Variants in GAB2 observed in about 807,000 individuals in gnomAD.
The protein encoded by GAB2 is GRB2 associated binding protein 2.
A neutral mutation model predicts 65.5 loss-of-function variants in GAB2; 26 were observed. The ratio of observed to expected loss-of-function variants is 0.40; its 90% CI spans 0.29 to 0.55. GAB2 has a LOEUF of 0.55. Among genes scored for constraint, GAB2 ranks in the 20% least tolerant of loss-of-function variants. The pLI is 0.53. For missense variants in GAB2, 884 were observed against 875.8 expected (o/e 1.01, Z -0.12); for synonymous variants, 321 against 329.6 (o/e 0.97, Z 0.28).
intron 1 of GAB2, among the ~76,000 whole-genome samples, chr11:78,416,390 C>G (rs541804377): frequency 7.9e-5 from 12 of 152,338 alleles, no homozygotes; most frequent in African/African-American, 2.9e-4. Context: ...TTCCTCAGTC[C>G]AGAGGCCAGA....
rs1291599642 is a variant in GAB2, at chr11:78,226,925, A to G, written c.747T>C (p.Tyr249=). 4.3e-6 allele frequency: 7 copies of G among 1,613,860 alleles called. No individual in the cohort carries two copies. The highest frequency in any genetic ancestry group is 5.9e-6 in the Non-Finnish European group (7 of 1,179,898). ...TGTGCCGGCTCGGCTTGGGAAGGCT[A>G]TAGAAGCCATGGACTTGACCACTGA... The part of the protein sequence containing the change: ...NGISGQVHGF[Y]SLPKPSRHNT... Residue 249 remains tyrosine, a synonymous_variant, in exon 4 of 10, where the codon TAT becomes TAC. Coordinates refer to ENST00000361507, the MANE Select transcript of GAB2 (RefSeq NM_080491.3).
intron 2 of GAB2, among the ~76,000 whole-genome samples, chr11:78,261,899 T>G (rs542262994): frequency 6.6e-6 from 1 of 152,318 alleles, no homozygotes; most frequent in Non-Finnish European, 1.5e-5. Context: ...TAATGATGCA[T>G]TTGACCCTTG....
intron 1 of GAB2, among the ~76,000 whole-genome samples, chr11:78,398,729 T>G (rs532954792): frequency 1.2e-3 from 188 of 152,352 alleles, no homozygotes; most frequent in Non-Finnish European, 2.3e-3. Context: ...GCACCCTTAG[T>G]GCCCATCATG....
At chr11:78,368,058 C>T (rs1388928191) in intron 1 of GAB2, among the ~76,000 whole-genome samples, 2 of 151,946 alleles carry the variant, frequency 1.3e-5, no homozygotes, top group African/African-American at 2.4e-5. Flanking sequence ...CCTCGTGATC[C>T]GCCCGCCTCG....
rs992021412 is a variant in GAB2, at chr11:78,303,797, C to G, written c.76-22896G>C. 2.6e-5 allele frequency among the ~76,000 whole-genome samples: 4 copies of G among 152,120 alleles called. No individual in the cohort carries two copies. In the East Asian group the frequency reaches 7.7e-4, roughly 29 times the overall value. Reference sequence around the variant, plus strand: ...TGTTTGATTGAATTTACTGAAGAAGCCATCCAGGCCTGGAGGTTTCTTACC... The same window carrying G: ...TGTTTGATTGAATTTACTGAAGAAGGCATCCAGGCCTGGAGGTTTCTTACC... On this transcript the variant is annotated intron_variant, in intron 1 of 9. Coordinates refer to ENST00000361507, the MANE Select transcript of GAB2 (RefSeq NM_080491.3).
chr11:78,395,314 T>C (rs111729402), intron 1 of GAB2, among the ~76,000 whole-genome samples: 4,190 of 152,298 alleles, frequency 0.028, 164 homozygotes, highest in African/African-American at 0.089. Flanking sequence ...ATTAGCTGTG[T>C]GTGGTGGCAC....
At chr11:78,231,372 G>GTGTGTGTGT in intron 3 of GAB2, among the ~76,000 whole-genome samples, 1 of 84,572 alleles carries the variant, frequency 1.2e-5, no homozygotes, top group Non-Finnish European at 2.8e-5. Context: ...TGTGTGTGTC[G>GTGTGTGTGT]GAGTCTCATT....
intron 1 of GAB2, among the ~76,000 whole-genome samples, chr11:78,413,918 A>G (rs1292009081): frequency 6.6e-6 from 1 of 152,022 alleles, no homozygotes; most frequent in Admixed American, 6.6e-5. Flanking sequence ...GTCAAGCCTC[A>G]TCTCTACTAA....
Position 78,246,559 on chromosome 11 carries a change from C to G in GAB2, c.620+3598G>C, listed in dbSNP as rs1488484701. Among the ~76,000 whole-genome samples, 3 of 151,980 alleles carry G rather than the reference C, an allele frequency of 2.0e-5. No homozygotes were observed. The East Asian group carries it at 5.8e-4, about 29-fold the overall frequency. The stretch of plus-strand genomic sequence containing the variant: ...AGTTGCCCAGGCTGGAGTGCAGTGG[C>G]GTGATCTCGGCCCACTGCAACCTCC... On this transcript the variant is annotated intron_variant, in intron 3 of 9. Coordinates refer to ENST00000361507, the MANE Select transcript of GAB2 (RefSeq NM_080491.3).
At chr11:78,293,250 C>G (rs1490756039) in intron 1 of GAB2, among the ~76,000 whole-genome samples, 1 of 152,192 alleles carries the variant, frequency 6.6e-6, no homozygotes, top group Non-Finnish European at 1.5e-5. Context: ...CCCTCGGACT[C>G]TAAAGGAACT....
intron 1 of GAB2, among the ~76,000 whole-genome samples, chr11:78,317,080 C>T (rs1326523283): frequency 6.6e-6 from 1 of 152,064 alleles, no homozygotes; most frequent in African/African-American, 2.4e-5. Flanking sequence ...ACATGGCAAG[C>T]CTAGAGTAGC....
At chr11:78,237,816 G>C (rs1865021227) in intron 3 of GAB2, among the ~76,000 whole-genome samples, 1 of 152,170 alleles carries the variant, frequency 6.6e-6, no homozygotes, top group East Asian at 1.9e-4. Context: ...AGAAAATGTG[G>C]TACCTATATA....
chr11:78,274,236 CACAG>C (rs540974790), intron 2 of GAB2, among the ~76,000 whole-genome samples: 1 of 152,124 alleles, frequency 6.6e-6, no homozygotes, highest in Non-Finnish European at 1.5e-5. Flanking sequence ...CCAGCCTGGG[CACAG>C]ACAGACAGAG....
intron 2 of GAB2, among the ~76,000 whole-genome samples, chr11:78,261,546 G>A (rs1590975900): frequency 6.6e-6 from 1 of 152,176 alleles, no homozygotes; most frequent in African/African-American, 2.4e-5. Flanking sequence ...AAGAGGTCAG[G>A]TTACAAGCTT....
chr11:78,251,179 A>C (rs1865445652), intron 2 of GAB2, among the ~76,000 whole-genome samples: 1 of 152,168 alleles, frequency 6.6e-6, no homozygotes, highest in Non-Finnish European at 1.5e-5. Context: ...GGCTTTGTTA[A>C]ATGAGGCTTT....
chr11:78,245,527 T>C lies in GAB2; in HGVS notation c.620+4630A>G, dbSNP rs1682066695. The stretch of plus-strand genomic sequence containing the variant: ...AAGGTGAAATTAAGAAATTTCCAGA[T>C]AAATGAAAGCTGGGAAAATTTCTCA... On this transcript the variant is annotated intron_variant, in intron 3 of 9. Coordinates refer to ENST00000361507, the MANE Select transcript of GAB2 (RefSeq NM_080491.3). Among the ~76,000 whole-genome samples the C allele has an allele frequency of 2.0e-5, 3 of 152,140 alleles. No homozygotes were observed. In the South Asian group the frequency reaches 6.2e-4, roughly 32 times the overall value.
At chr11:78,232,212 A>G (rs115372543) in intron 3 of GAB2, among the ~76,000 whole-genome samples, 2,539 of 152,314 alleles carry the variant, frequency 0.017, 75 homozygotes, top group African/African-American at 0.058. Context: ...TGACATTTCT[A>G]ATTTTACCAT....
intron 1 of GAB2, among the ~76,000 whole-genome samples, chr11:78,304,992 A>C (rs781721905): frequency 6.6e-6 from 1 of 152,092 alleles, no homozygotes; most frequent in Admixed American, 6.5e-5. Context: ...AGCCTTCCTT[A>C]CTCTCTCTGG....
chr11:78,237,446 C>A (rs1445976660), intron 3 of GAB2, among the ~76,000 whole-genome samples: 1 of 152,128 alleles, frequency 6.6e-6, no homozygotes, highest in Non-Finnish European at 1.5e-5. Context: ...CTAGTACTTA[C>A]AATATGATTC....
Sources: gnomAD v4.1 joint callset for allele counts (sites outside exome capture counted in the v4.1 genomes callset) on GRCh38, gnomAD v4.1.1 for gene constraint, MANE v1.5 for transcripts, NCBI Gene and HGNC (gene_info 2026-07-23, HGNC 2026-07-21) for gene names.